The following CGNL1 variants were observed in gnomAD, a reference collection of about 807,000 sequenced individuals.
CGNL1 encodes the protein cingulin-like protein 1.
CGNL1 carries 132 observed loss-of-function variants against 141.2 expected under a neutral mutation model. The ratio of observed to expected loss-of-function variants is 0.93; its 90% CI spans 0.81 to 1.08. The LOEUF is 1.08. Among genes scored for constraint, CGNL1 ranks in the 50% least tolerant of loss-of-function variants. CGNL1 has a pLI of 0.00. For missense variants in CGNL1, 1,870 were observed against 1,588.6 expected (o/e 1.18, Z -3.01); for synonymous variants, 690 against 622.1 (o/e 1.11, Z -1.63).
chr15:57,461,669 C>G lies in CGNL1; in HGVS notation c.2191-11C>G, dbSNP rs1511951. ...ATTGTCACCTTCTCCCTTCGTGTTT[C>G]CTCTCTCTAGGAGCTCTTACAGGCA... On this transcript the variant is annotated splice_polypyrimidine_tract_variant and intron_variant, in intron 7 of 18. Transcript: ENST00000281282. The G allele has an allele frequency of 2.5e-6, 4 of 1,611,716 alleles. No homozygotes were observed. In the South Asian group the frequency reaches 4.4e-5, roughly 18 times the overall value.
chr15:57,514,261 C>T (rs1183505029), intron 8 of CGNL1, among the ~76,000 whole-genome samples: 1 of 152,138 alleles, frequency 6.6e-6, no homozygotes, highest in African/African-American at 2.4e-5. Context: ...AAACAATTCT[C>T]TCGCCTCAGC....
chr15:57,447,861 G>A (rs2063275870), intron 4 of CGNL1, among the ~76,000 whole-genome samples: 1 of 150,012 alleles, frequency 6.7e-6, no homozygotes, highest in Non-Finnish European at 1.5e-5. Context: ...GTATGTTTGG[G>A]GCATCAGATA....
intron 8 of CGNL1, among the ~76,000 whole-genome samples, chr15:57,464,734 T>TTTCCTTCC (rs1385627673): frequency 3.7e-5 from 4 of 106,744 alleles, no homozygotes; most frequent in South Asian, 5.7e-4. Context: ...CCTTTCCTTC[T>TTTCCTTCC]TTCTTTCTTT....
chr15:57,411,135 T>C (rs1246995504), intron 1 of CGNL1, among the ~76,000 whole-genome samples: 1 of 152,262 alleles, frequency 6.6e-6, no homozygotes, highest in African/African-American at 2.4e-5. Context: ...GAGTGTCATA[T>C]GTTGGACTCC....
chr15:57,416,094 T>G (rs2062845392), intron 1 of CGNL1, among the ~76,000 whole-genome samples: 1 of 152,194 alleles, frequency 6.6e-6, no homozygotes, highest in Non-Finnish European at 1.5e-5. Context: ...GCCTTCTAGT[T>G]CTTGAGTGTA....
At chr15:57,431,106 G>C (rs570324112) in intron 1 of CGNL1, among the ~76,000 whole-genome samples, 1 of 151,990 alleles carries the variant, frequency 6.6e-6, no homozygotes, top group African/African-American at 2.4e-5. Flanking sequence ...TTTCTTTTTT[G>C]CCATCTTCCT....
chr15:57,529,763 A>G (rs1178611109), intron 13 of CGNL1, among the ~76,000 whole-genome samples: 1 of 152,238 alleles, frequency 6.6e-6, no homozygotes, highest in African/African-American at 2.4e-5. Context: ...CTTAAATTCA[A>G]AATCAATGGA....
At chr15:57,537,441 TC>T (rs2032321314) in intron 14 of CGNL1, among the ~76,000 whole-genome samples, 1 of 151,634 alleles carries the variant, frequency 6.6e-6, no homozygotes, top group Non-Finnish European at 1.5e-5. Flanking sequence ...GTTTTCTTCT[TC>T]TTTTTTTTTT....
At chr15:57,494,791 C>G (rs1289743377) in intron 8 of CGNL1, among the ~76,000 whole-genome samples, 1 of 152,202 alleles carries the variant, frequency 6.6e-6, no homozygotes, top group African/African-American at 2.4e-5. Context: ...CAGATTTTGG[C>G]CAAGGGTGTT....
chr15:57,465,460 G>A (rs1044058502), intron 8 of CGNL1, among the ~76,000 whole-genome samples: 3 of 132,570 alleles, frequency 2.3e-5, no homozygotes, highest in Admixed American at 8.8e-5. Flanking sequence ...AAATGATCTC[G>A]TCTCATTGCA....
At chr15:57,466,142 G>C (rs1389952194) in intron 8 of CGNL1, among the ~76,000 whole-genome samples, 1 of 152,190 alleles carries the variant, frequency 6.6e-6, no homozygotes, top group African/African-American at 2.4e-5. Flanking sequence ...TCTGTTAGGA[G>C]AGTATATCTA....
At chr15:57,517,935 TGG>T (rs1392873817) in intron 9 of CGNL1, among the ~76,000 whole-genome samples, 1 of 144,890 alleles carries the variant, frequency 6.9e-6, no homozygotes, top group South Asian at 2.2e-4. Flanking sequence ...ACTGTGTGTG[TGG>T]GGGTCCATTC....
At position 57,521,125 on chromosome 15, in the gene CGNL1, C is replaced by A. The variant is rs151143304; in HGVS notation, c.2716-2364C>A. ...CTCTGTAGCTACAGAGCGTTTCACTCCTGATACTGTCCACATGAAGGGTCG... is the reference window on the plus strand; with the variant it reads ...CTCTGTAGCTACAGAGCGTTTCACTACTGATACTGTCCACATGAAGGGTCG... On this transcript the variant is annotated intron_variant, in intron 10 of 18. Coordinates refer to ENST00000281282, the MANE Select transcript of CGNL1 (RefSeq NM_032866.5). Among the ~76,000 whole-genome samples the A allele has an allele frequency of 1.7e-3, 259 of 152,252 alleles. 3 individuals are homozygous for A. Among genetic ancestry groups the A allele is most frequent in the African/African-American group, 5.9e-3 (245 of 41,532 alleles).
chr15:57,468,999 T>C (rs1476008357), intron 8 of CGNL1, among the ~76,000 whole-genome samples: 1 of 152,222 alleles, frequency 6.6e-6, no homozygotes, highest in Admixed American at 6.5e-5. Context: ...GTAAGTCCAA[T>C]TAAACCCCTT....
intron 8 of CGNL1, among the ~76,000 whole-genome samples, chr15:57,511,342 G>A (rs1195636734): frequency 6.6e-6 from 1 of 152,040 alleles, no homozygotes; most frequent in Admixed American, 6.5e-5. Flanking sequence ...TCTCCCAGAT[G>A]CACAAGATAC....
At chr15:57,531,638 TAA>T in intron 13 of CGNL1, 50 bp from the exon 14 acceptor site, 3 of 1,189,350 alleles carry the variant, frequency 2.5e-6, no homozygotes, top group Non-Finnish European at 3.8e-6. Context: ...CCTTTGCTGT[TAA>T]TCCCGGTCAG....
chr15:57,388,454 C>T (rs2062507341), intron 1 of CGNL1, among the ~76,000 whole-genome samples: 1 of 152,180 alleles, frequency 6.6e-6, no homozygotes, highest in Non-Finnish European at 1.5e-5. Flanking sequence ...GATTCTGGGC[C>T]TGGACTGCCC....
chr15:57,484,569 T>C (rs1319557750), intron 8 of CGNL1, among the ~76,000 whole-genome samples: 2 of 152,202 alleles, frequency 1.3e-5, no homozygotes, highest in African/African-American at 4.8e-5. Flanking sequence ...TTATTTTACT[T>C]TAAGTTCTGG....
chr15:57,388,528 G>T (rs921948994), intron 1 of CGNL1, among the ~76,000 whole-genome samples: 2 of 152,204 alleles, frequency 1.3e-5, no homozygotes, highest in South Asian at 4.1e-4. Flanking sequence ...GCTCAGAGCA[G>T]TGTCTGCAGA....
Sources: gnomAD v4.1 joint callset for allele counts (sites outside exome capture counted in the v4.1 genomes callset) on GRCh38, gnomAD v4.1.1 for gene constraint, MANE v1.5 for transcripts, NCBI Gene and HGNC (gene_info 2026-07-23, HGNC 2026-07-21) for gene names.